The following VSTM4 variants were observed in gnomAD, a reference collection of about 807,000 sequenced individuals.
The protein encoded by VSTM4 is V-set and transmembrane domain containing 4, also known as V-set and transmembrane domain-containing protein 4.
In VSTM4, 20 loss-of-function variants were observed where a neutral mutation model predicts 36.4. The observed-to-expected ratio is 0.55, with a 90% CI of 0.39 to 0.80. The LOEUF is 0.80. Among genes scored for constraint, VSTM4 ranks in the 30% least tolerant of loss-of-function variants. The probability of loss-of-function intolerance (pLI) is 0.00; values close to 1 mark genes in which losing one functional copy is unlikely to be tolerated. For synonymous variants in VSTM4, 182 were observed against 173.9 expected, an observed-to-expected ratio of 1.05 and a Z score of -0.37; for missense variants, 392 against 404.5, an observed-to-expected ratio of 0.97 and a Z score of 0.26.
chr10:49,101,639 A>T (rs1844667682), intron 2 of VSTM4, among the ~76,000 whole-genome samples: 1 of 152,248 alleles, frequency 6.6e-6, no homozygotes, highest in African/African-American at 2.4e-5. Flanking sequence ...TCATGCAATG[A>T]TGGTCAGAGT....
chr10:49,112,413 C>A (rs927002368), intron 1 of VSTM4, among the ~76,000 whole-genome samples: 20 of 152,242 alleles, frequency 1.3e-4, no homozygotes, highest in African/African-American at 4.8e-4. Flanking sequence ...GGGCTGGCAT[C>A]TGACAGAACC....
intron 1 of VSTM4, among the ~76,000 whole-genome samples, 169 bp downstream of exon 1, chr10:49,115,262 C>G (rs1395870560): frequency 6.6e-6 from 1 of 151,810 alleles, no homozygotes; most frequent in Non-Finnish European, 1.5e-5. Flanking sequence ...GCTGCGCCCG[C>G]CAGACCCTCG....
chr10:49,091,824 C>T (rs982316909), intron 2 of VSTM4, among the ~76,000 whole-genome samples: 1 of 152,208 alleles, frequency 6.6e-6, no homozygotes, highest in Non-Finnish European at 1.5e-5. Flanking sequence ...ACTGGCGCCC[C>T]TAATTCCTTT....
Position 49,014,898 on chromosome 10 carries a change from G to C in VSTM4, c.*4752C>G, listed in dbSNP as rs1843081506. 6.6e-6 allele frequency: 1 copy of C among 152,598 alleles called. No homozygotes were observed. The highest frequency in any genetic ancestry group is 2.4e-5 in the African/African-American group (1 of 41,426). The allele number at this position is 152,598 out of a possible 1,614,324, so 9.5% of individuals were successfully genotyped here. A position where few individuals can be genotyped will look rare whatever the true frequency, so the allele number is the denominator to read the frequency against. ...CCTTCCCCTCCTCAATGTGCAGGCA[G>C]CCTCTCCCTGGGACTCTTGCCCGCT... On this transcript the variant is annotated 3_prime_UTR_variant, in exon 8 of 8. Transcript: ENST00000332853.
chr10:49,095,644 C>T (rs1017110512), intron 2 of VSTM4, among the ~76,000 whole-genome samples: 1 of 152,210 alleles, frequency 6.6e-6, no homozygotes, highest in Non-Finnish European at 1.5e-5. Context: ...GTGCCCCAAG[C>T]GAAGTCCCAC....
intron 3 of VSTM4, among the ~76,000 whole-genome samples, chr10:49,080,806 G>A (rs1844265016): frequency 6.6e-6 from 1 of 152,242 alleles, no homozygotes; most frequent in Admixed American, 6.5e-5. Context: ...AGCCCTGTCA[G>A]TAGGCTGGTG....
At chr10:49,043,770 TC>T (rs377592846) in intron 7 of VSTM4, among the ~76,000 whole-genome samples, 5 of 152,322 alleles carry the variant, frequency 3.3e-5, no homozygotes, top group African/African-American at 1.2e-4. Context: ...ATTTCTAAAC[TC>T]CAAATGGATC....
At position 49,015,119 on chromosome 10, in the gene VSTM4, ATTTTT is replaced by A. The variant is rs34800687; in HGVS notation, c.*4526_*4530del. The A allele has an allele frequency of 4.3e-4, 51 of 119,530 alleles. No homozygotes were observed. Among genetic ancestry groups the A allele is most frequent in the East Asian group, 1.6e-3 (6 of 3,670 alleles). 7.4% of individuals were successfully genotyped at this position (119,530 alleles called of 1,614,324 possible). On this transcript the variant is annotated 3_prime_UTR_variant, in exon 8 of 8. Coordinates refer to ENST00000332853, the MANE Select transcript of VSTM4 (RefSeq NM_001031746.5). ...CCAGACCTCCTGAGCCAGGATCTAC[ATTTTT>A]TTTTTTTTTTTTTTTGAGACGGAAT...
intron 4 of VSTM4, among the ~76,000 whole-genome samples, chr10:49,066,114 C>T (rs1843968753): frequency 6.6e-6 from 1 of 152,100 alleles, no homozygotes; most frequent in Non-Finnish European, 1.5e-5. Flanking sequence ...CCTTAACATC[C>T]TCACCTCCCA....
At chr10:49,095,843 G>C (rs1240752396) in intron 2 of VSTM4, among the ~76,000 whole-genome samples, 1 of 152,174 alleles carries the variant, frequency 6.6e-6, no homozygotes, top group East Asian at 1.9e-4. Context: ...GGCCCCAGGA[G>C]GGCAGGCATC....
chr10:49,047,978 T>C (rs1237749845), intron 6 of VSTM4, among the ~76,000 whole-genome samples: 1 of 152,214 alleles, frequency 6.6e-6, no homozygotes, highest in African/African-American at 2.4e-5. Context: ...ACACCTATCT[T>C]CCTCACTTAC....
chr10:49,113,376 A>G (rs1844932442), intron 1 of VSTM4, among the ~76,000 whole-genome samples: 1 of 152,224 alleles, frequency 6.6e-6, no homozygotes, highest in Admixed American at 6.5e-5. Flanking sequence ...AGCTCCATCC[A>G]GGATAAAAAT....
intron 5 of VSTM4, among the ~76,000 whole-genome samples, chr10:49,056,335 T>C (rs1285968047): frequency 6.6e-6 from 1 of 152,258 alleles, no homozygotes; most frequent in Non-Finnish European, 1.5e-5. Flanking sequence ...GGAGATACTT[T>C]AGTGGTGCTC....
At chr10:49,067,169 A>G (rs1404481290) in intron 4 of VSTM4, among the ~76,000 whole-genome samples, 1 of 152,108 alleles carries the variant, frequency 6.6e-6, no homozygotes, top group Admixed American at 6.5e-5. Flanking sequence ...AACAATTTAC[A>G]TTTATGATGA....
At chr10:49,072,650 G>C (rs993736480) in intron 4 of VSTM4, among the ~76,000 whole-genome samples, 1 of 152,232 alleles carries the variant, frequency 6.6e-6, no homozygotes, top group Non-Finnish European at 1.5e-5. Flanking sequence ...CACAGTGCCA[G>C]CGTCCAGTCT....
chr10:49,112,002 C>T (rs1844903163), intron 1 of VSTM4, among the ~76,000 whole-genome samples: 2 of 152,064 alleles, frequency 1.3e-5, no homozygotes, highest in South Asian at 4.2e-4. Context: ...GGAGGGAGCC[C>T]CACCTCTGCA....
intron 5 of VSTM4, among the ~76,000 whole-genome samples, chr10:49,055,177 T>C (rs1235182399): frequency 6.6e-6 from 1 of 152,204 alleles, no homozygotes; most frequent in East Asian, 1.9e-4. Context: ...GGAGCTGTGT[T>C]GGCTCCAGTC....
chr10:49,038,979 A>T (rs1357379130), intron 7 of VSTM4, among the ~76,000 whole-genome samples: 2 of 152,120 alleles, frequency 1.3e-5, no homozygotes, highest in Non-Finnish European at 2.9e-5. Flanking sequence ...GCCTCTCAGG[A>T]CCACCTGCAA....
At chr10:49,077,733 C>A (rs1844205709) in intron 3 of VSTM4, among the ~76,000 whole-genome samples, 1 of 152,106 alleles carries the variant, frequency 6.6e-6, no homozygotes, top group East Asian at 1.9e-4. Flanking sequence ...CAAGAAAAAT[C>A]TTTGGGATCT....
Sources: gnomAD v4.1 joint callset for allele counts (sites outside exome capture counted in the v4.1 genomes callset) on GRCh38, gnomAD v4.1.1 for gene constraint, MANE v1.5 for transcripts, NCBI Gene and HGNC (gene_info 2026-07-23, HGNC 2026-07-21) for gene names.